The following PTPRT variants were observed in gnomAD, a reference collection of about 807,000 sequenced individuals.
PTPRT encodes the protein protein tyrosine phosphatase receptor type T.
A neutral mutation model predicts 176.8 loss-of-function variants in PTPRT; 56 were observed. The observed-to-expected ratio is 0.32, with a 90% CI of 0.26 to 0.40. The LOEUF (loss-of-function observed/expected upper bound fraction) is 0.40, where lower values mean the gene tolerates loss of function less well. Among genes scored for constraint, PTPRT ranks in the 10% least tolerant of loss-of-function variants. PTPRT has a pLI of 1.00. For synonymous variants in PTPRT, 783 were observed against 739.0 expected, an observed-to-expected ratio of 1.06 and a Z score of -0.96; for missense variants, 1,540 against 1,908.2, an observed-to-expected ratio of 0.81 and a Z score of 3.60.
At chr20:42,316,948 G>A (rs144536630) in intron 11 of PTPRT, among the ~76,000 whole-genome samples, 86 of 152,182 alleles carry the variant, frequency 5.7e-4, no homozygotes, top group Non-Finnish European at 9.1e-4. Context: ...TCATGAGATG[G>A]GACTACTCTT....
intron 2 of PTPRT, among the ~76,000 whole-genome samples, chr20:42,842,813 G>A (rs1038111573): frequency 6.6e-6 from 1 of 152,198 alleles, no homozygotes; most frequent in African/African-American, 2.4e-5. Flanking sequence ...TTCATGCATG[G>A]CAGCTTCTAT....
chr20:42,578,875 C>G (rs1003936709), intron 7 of PTPRT, among the ~76,000 whole-genome samples: 1 of 146,966 alleles, frequency 6.8e-6, no homozygotes, highest in African/African-American at 2.6e-5. Flanking sequence ...TTACAATGGC[C>G]TTTGAGTCTT....
intron 6 of PTPRT, among the ~76,000 whole-genome samples, chr20:42,752,961 T>A (rs1452436709): frequency 6.6e-6 from 1 of 152,116 alleles, no homozygotes; most frequent in African/African-American, 2.4e-5. Flanking sequence ...CACTAACTCT[T>A]TAGCAGTGTG....
At chr20:42,844,832 G>A (rs1057084419) in intron 2 of PTPRT, among the ~76,000 whole-genome samples, 2 of 152,194 alleles carry the variant, frequency 1.3e-5, no homozygotes, top group African/African-American at 4.8e-5. Flanking sequence ...GGCGTACGGG[G>A]ATTTGGCAAG....
chr20:43,090,458 C>T (rs2425581), intron 1 of PTPRT, among the ~76,000 whole-genome samples: 3,951 of 152,086 alleles, frequency 0.026, 89 homozygotes, highest in South Asian at 0.067. Context: ...TTAGTAGAGA[C>T]AGGGTTTCAC....
At chr20:43,128,677 T>C (rs1454307179) in intron 1 of PTPRT, among the ~76,000 whole-genome samples, 1 of 152,234 alleles carries the variant, frequency 6.6e-6, no homozygotes. Flanking sequence ...CCTGGCCGAA[T>C]GGACTTGGGC....
intron 7 of PTPRT, among the ~76,000 whole-genome samples, chr20:42,487,267 A>G (rs1442173272): frequency 6.6e-6 from 1 of 152,186 alleles, no homozygotes; most frequent in East Asian, 1.9e-4. Context: ...AGTCTTTGTC[A>G]ATCTCAATAT....
chr20:43,106,243 T>C (rs1370741820), intron 1 of PTPRT, among the ~76,000 whole-genome samples: 1 of 152,200 alleles, frequency 6.6e-6, no homozygotes, highest in Non-Finnish European at 1.5e-5. Context: ...AAAATCAATG[T>C]TTAGACTGAG....
At chr20:42,891,100 G>C (rs1445451092) in intron 1 of PTPRT, among the ~76,000 whole-genome samples, 1 of 152,212 alleles carries the variant, frequency 6.6e-6, no homozygotes, top group Non-Finnish European at 1.5e-5. Context: ...TCTTGGCTAT[G>C]TCTTTATCAG....
At chr20:42,203,871 T>C (rs1487423936) in intron 15 of PTPRT, among the ~76,000 whole-genome samples, 1 of 152,248 alleles carries the variant, frequency 6.6e-6, no homozygotes, top group African/African-American at 2.4e-5. Flanking sequence ...CCATGTTAGC[T>C]ACGTACTTGT....
chr20:42,692,270 T>A (rs1289567981), intron 6 of PTPRT, among the ~76,000 whole-genome samples: 1 of 152,190 alleles, frequency 6.6e-6, no homozygotes, highest in Non-Finnish European at 1.5e-5. Flanking sequence ...CCAATCTCCC[T>A]CGTAAACACG....
intron 1 of PTPRT, among the ~76,000 whole-genome samples, chr20:43,084,900 A>C (rs1216009746): frequency 1.3e-5 from 2 of 152,194 alleles, no homozygotes; most frequent in Non-Finnish European, 2.9e-5. Flanking sequence ...TCTCTTTGAT[A>C]AGCAACAGGT....
chr20:43,065,366 A>G (rs2011104320), intron 1 of PTPRT, among the ~76,000 whole-genome samples: 1 of 152,226 alleles, frequency 6.6e-6, no homozygotes, highest in African/African-American at 2.4e-5. Flanking sequence ...TGAAAGTGGT[A>G]TTTGTACATA....
the PTPRT span, among the ~76,000 whole-genome samples, chr20:42,061,692 T>A: frequency 2.0e-5 from 3 of 152,202 alleles, no homozygotes; most frequent in Non-Finnish European, 4.4e-5. Flanking sequence ...TAGGCCACTG[T>A]TCCTGCCACC....
rs772137373 is a variant in PTPRT at position 42,085,819 on chromosome 20, C to A, written c.3881G>T (p.Gly1294Val). 4.1e-5 allele frequency: 66 copies of A among 1,613,452 alleles called. No homozygotes were observed. The highest frequency in any genetic ancestry group is 8.3e-5 in the Admixed American group (5 of 60,002). ...CTCCACCTGGATGGGCCCATAGCACCCGGAGGTCTTCTCAGGCCAGTACTG... is the reference window on the plus strand; with the variant it reads ...CTCCACCTGGATGGGCCCATAGCACACGGAGGTCTTCTCAGGCCAGTACTG... ...CMQYWPEKTS[G>V]CYGPIQVEFV... Residue 1294 changes from glycine to valine, a missense_variant, in exon 28 of 31, where the codon GGG becomes GTG. Gly to Val is a moderately radical substitution (Grantham distance 109). This residue lies in a region of PTPRT where 342 missense variants were observed against 394.0 expected (regional missense o/e 0.87). Coordinates refer to ENST00000373187, the MANE Select transcript of PTPRT (RefSeq NM_007050.6).
chr20:42,952,361 C>T (rs368514590), intron 1 of PTPRT, among the ~76,000 whole-genome samples: 92 of 152,262 alleles, frequency 6.0e-4, no homozygotes, highest in African/African-American at 2.0e-3. Context: ...CTTGCCTCTG[C>T]GTAGCTATGA....
At chr20:42,096,049 C>T (rs1314290954) in intron 27 of PTPRT, among the ~76,000 whole-genome samples, 2 of 152,190 alleles carry the variant, frequency 1.3e-5, no homozygotes, top group Non-Finnish European at 2.9e-5. Flanking sequence ...TTCTTATTCA[C>T]CTCCCACCTG....
chr20:42,751,320 T>C (rs570096630), intron 6 of PTPRT, among the ~76,000 whole-genome samples: 4 of 152,260 alleles, frequency 2.6e-5, no homozygotes, highest in African/African-American at 4.8e-5. Context: ...TCCATGTAAC[T>C]AGATGGCTGA....
chr20:42,227,597 ATTGTTTTTTTTTT>A (rs2056044762), intron 15 of PTPRT, among the ~76,000 whole-genome samples: 1 of 110,740 alleles, frequency 9.0e-6, no homozygotes, highest in African/African-American at 3.4e-5. Flanking sequence ...AAAGTCCCTC[ATTGTTTTTTTTTT>A]TTTTTTTTTT....
Sources: allele counts gnomAD v4.1 joint callset (sites outside exome capture counted in the v4.1 genomes callset), GRCh38; gene constraint gnomAD v4.1.1; regional missense constraint gnomAD v4.1.1; transcripts MANE v1.5; gene names NCBI Gene and HGNC (gene_info 2026-07-23, HGNC 2026-07-21).